Variants in CHID1 observed in about 807,000 individuals in gnomAD.
CHID1 encodes chitinase domain containing 1, also known as chitinase domain-containing protein 1.
Under a neutral mutation model 55.4 loss-of-function variants are expected in CHID1, and 44 were observed. That is an observed-to-expected ratio of 0.79 (90% CI 0.62 to 1.02). The LOEUF is 1.02. CHID1 is among the 50% of genes least tolerant of loss of function. CHID1 has a pLI of 0.00. For missense variants in CHID1, 491 were observed against 515.3 expected (o/e 0.95, Z 0.46); for synonymous variants, 216 against 212.9 (o/e 1.01, Z -0.13).
chr11:914,452 T>C, upstream of CHID1: 1 of 1,096,212 alleles, frequency 9.1e-7, no homozygotes, highest in Non-Finnish European at 1.2e-6. Context: ...GCCGGTGGGG[T>C]GAGGAGGCCT....
chr11:882,003 C>CA (rs773102032), intron 10 of CHID1, among the ~76,000 whole-genome samples: 1,370 of 55,152 alleles, frequency 0.025, 30 homozygotes, highest in South Asian at 0.11. Context: ...GACCCTGTCT[C>CA]AAAAAAAAAA....
chr11:896,844 C>T (rs1851347541), intron 7 of CHID1, among the ~76,000 whole-genome samples: 1 of 140,558 alleles, frequency 7.1e-6, no homozygotes, highest in Admixed American at 7.3e-5. Context: ...ACCACAGAAA[C>T]TAAGCTGTCT....
chr11:884,232 G>T, intron 8 of CHID1, 63 bp from the exon 9 acceptor site: 1 of 1,343,448 alleles, frequency 7.4e-7, no homozygotes, highest in Non-Finnish European at 1.1e-6. Context: ...CTCCCCAGCT[G>T]CGGTTCGAGC....
intron 4 of CHID1, 149 bp from the exon 5 acceptor site, chr11:901,129 G>A: frequency 1.6e-6 from 1 of 626,074 alleles, no homozygotes; most frequent in Non-Finnish European, 2.7e-6. Context: ...CCCCTCCCTG[G>A]CCCAGGGCTG....
intron 1 of CHID1, among the ~76,000 whole-genome samples, chr11:909,464 A>T (rs1852476943): frequency 6.6e-6 from 1 of 152,232 alleles, no homozygotes; most frequent in East Asian, 1.9e-4. Flanking sequence ...CTGCGCTCCC[A>T]GTCCGTAGGT....
At chr11:901,887 C>T (rs759749115) in intron 4 of CHID1, among the ~76,000 whole-genome samples, 2 of 150,992 alleles carry the variant, frequency 1.3e-5, no homozygotes, top group Non-Finnish European at 2.9e-5. Context: ...CCTGCTCTGC[C>T]GGCTGGGCCC....
chr11:870,533 C>T (rs1446751522), intron 10 of CHID1, 34 bp from the exon 11 acceptor site: 20 of 1,459,976 alleles, frequency 1.4e-5, no homozygotes, highest in Admixed American at 3.6e-5. Flanking sequence ...TGGGAGCCCA[C>T]CCAGCTCCCC....
chr11:874,084 A>G (rs1849343795), intron 10 of CHID1, among the ~76,000 whole-genome samples: 1 of 152,190 alleles, frequency 6.6e-6, no homozygotes. Flanking sequence ...TTTTGGAGAA[A>G]GGGCTGCAGA....
chr11:897,158 GTCTCAGCACCCC>G (rs1351447452), intron 7 of CHID1, among the ~76,000 whole-genome samples: 8 of 92,418 alleles, frequency 8.7e-5, no homozygotes, highest in East Asian at 6.0e-4. Flanking sequence ...ACACGAGCCT[GTCTCAGCACCCC>G]CAGCCTCCAC....
intron 9 of CHID1, 78 bp from the exon 10 acceptor site, chr11:883,381 G>A (rs2134177343): frequency 7.1e-7 from 1 of 1,417,570 alleles, no homozygotes; most frequent in Non-Finnish European, 9.7e-7. Flanking sequence ...CCTCCACTGA[G>A]GGGTGCATCC....
At position 869,290 on chromosome 11, in the gene CHID1, G is replaced by A. The variant is rs1292868043; in HGVS notation, c.*568C>T. ...CCAGGCTCCTCTGAGCCCATTTCTAGGGCAGCCCCTGCACCCTTGCCGTGC... is the reference window on the plus strand; with the variant it reads ...CCAGGCTCCTCTGAGCCCATTTCTAAGGCAGCCCCTGCACCCTTGCCGTGC... On this transcript the variant is annotated 3_prime_UTR_variant, in exon 13 of 13. Coordinates refer to ENST00000323578, the MANE Select transcript of CHID1 (RefSeq NM_023947.4). 6.4e-6 allele frequency: 1 copy of A among 155,136 alleles called. No homozygotes were observed. The highest frequency in any genetic ancestry group is 2.4e-5 in the African/African-American group (1 of 41,434). 9.6% of individuals were successfully genotyped at this position (155,136 alleles called of 1,614,324 possible).
At chr11:888,851 C>T (rs921207198) in intron 8 of CHID1, among the ~76,000 whole-genome samples, 1 of 151,886 alleles carries the variant, frequency 6.6e-6, no homozygotes, top group East Asian at 1.9e-4. Flanking sequence ...CCTGCCCACT[C>T]GGCCTCGACT....
At chr11:877,238 G>A (rs937837773) in intron 10 of CHID1, among the ~76,000 whole-genome samples, 5 of 152,220 alleles carry the variant, frequency 3.3e-5, no homozygotes, top group African/African-American at 1.2e-4. Context: ...GAACAATCAT[G>A]GGTGGGTGCA....
chr11:906,232 G>A (rs1030643482), intron 1 of CHID1, among the ~76,000 whole-genome samples: 5 of 151,394 alleles, frequency 3.3e-5, no homozygotes, highest in Admixed American at 1.3e-4. Flanking sequence ...ACTGCGCCCG[G>A]CTGTGGGACT....
chr11:885,317 T>C (rs576926837), intron 8 of CHID1, among the ~76,000 whole-genome samples: 21 of 152,302 alleles, frequency 1.4e-4, no homozygotes, highest in African/African-American at 5.1e-4. Context: ...CCTCTCCAGA[T>C]GTGCAGTTTT....
chr11:887,175 G>A (rs1243442157), intron 8 of CHID1, among the ~76,000 whole-genome samples: 7 of 152,126 alleles, frequency 4.6e-5, no homozygotes, highest in African/African-American at 1.4e-4. Flanking sequence ...GGGACCACAG[G>A]TGCCACCATG....
chr11:908,756 G>C (rs1014171025), intron 1 of CHID1: 8 of 239,428 alleles, frequency 3.3e-5, no homozygotes, highest in Non-Finnish European at 4.7e-5. Flanking sequence ...AACCACTATA[G>C]GGCTGGGTCT....
chr11:901,317 G>A (rs1589890433), intron 4 of CHID1, among the ~76,000 whole-genome samples: 1 of 152,116 alleles, frequency 6.6e-6, no homozygotes. Flanking sequence ...GGGTTTCTCC[G>A]AGCTGAGGGA....
Position 903,070 on chromosome 11 carries a change from C to G in CHID1, c.153G>C (p.Val51=), listed in dbSNP as rs28380110. The change falls in exon 3 of 13, where the codon GTG becomes GTC. Residue 51 remains valine, a synonymous_variant. Coordinates refer to ENST00000323578, the MANE Select transcript of CHID1 (RefSeq NM_023947.4). ...CACTCTCAGCTTTGAGGTCCGTCAC[C>G]ACCAAACCCCGGTCTTGCACCGGCT... is the stretch of plus-strand genomic sequence containing the variant. The part of the protein sequence containing the change: ...SDKPVQDRGL[V]VTDLKAESVV... 2,551 of 1,613,370 alleles carry G rather than the reference C, an allele frequency of 1.6e-3. 37 individuals carry two copies. In the African/African-American group the frequency reaches 0.03, roughly 19 times the overall value.
Sources: allele counts gnomAD v4.1 joint callset (sites outside exome capture counted in the v4.1 genomes callset), GRCh38; gene constraint gnomAD v4.1.1; transcripts MANE v1.5; gene names NCBI Gene and HGNC (gene_info 2026-07-23, HGNC 2026-07-21).